CNTNAP4: variants seen among roughly 807,000 people sequenced by gnomAD.
CNTNAP4 encodes the protein contactin-associated protein-like 4.
CNTNAP4 carries 98 observed loss-of-function variants against 148.4 expected under a neutral mutation model. The ratio of observed to expected loss-of-function variants is 0.66; its 90% CI spans 0.56 to 0.78. The LOEUF is 0.78. CNTNAP4 is among the 30% of genes least tolerant of loss of function. CNTNAP4 has a pLI of 0.00. For synonymous variants in CNTNAP4, 730 were observed against 565.1 expected (o/e 1.29, Z -4.14); for missense variants, 1,935 against 1,565.6 (o/e 1.24, Z -3.98).
In CNTNAP4 at chr16:76,533,331, T is replaced by C. The variant is rs150313248; in HGVS notation, c.2756-2214T>C. The stretch of plus-strand genomic sequence containing the variant: ...AAGTAGAACAGAGGATACTAGAAGA[T>C]GGGGAGGGTACAGGGAAGGGGCACA... On this transcript the variant is annotated intron_variant, in intron 17 of 23. Transcript: ENST00000611870. Among the ~76,000 whole-genome samples the C allele has an allele frequency of 4.7e-3, 709 of 151,998 alleles. 3 individuals are homozygous for C. Among genetic ancestry groups the C allele is most frequent in the African/African-American group, 0.017 (689 of 41,472 alleles).
intron 3 of CNTNAP4, among the ~76,000 whole-genome samples, chr16:76,387,414 C>A (rs2016605192): frequency 6.6e-6 from 1 of 152,096 alleles, no homozygotes; most frequent in Non-Finnish European, 1.5e-5. Context: ...TTTTGTAAAT[C>A]TTTTGCAACC....
intron 3 of CNTNAP4, among the ~76,000 whole-genome samples, chr16:76,365,476 C>A (rs1015060264): frequency 6.6e-6 from 1 of 152,078 alleles, no homozygotes; most frequent in Non-Finnish European, 1.5e-5. Flanking sequence ...TCTGGCCAGG[C>A]GTTGTGGCTC....
At chr16:76,414,907 A>G (rs1452081408) in intron 3 of CNTNAP4, among the ~76,000 whole-genome samples, 5 of 151,232 alleles carry the variant, frequency 3.3e-5, no homozygotes, top group Non-Finnish European at 5.9e-5. Flanking sequence ...TCCCAGATCA[A>G]TCCTAACTAG....
intron 7 of CNTNAP4, among the ~76,000 whole-genome samples, 159 bp downstream of exon 7, chr16:76,450,017 T>C (rs544637400): frequency 2.6e-5 from 4 of 152,360 alleles, no homozygotes; most frequent in East Asian, 3.9e-4. Flanking sequence ...AGATTGGTTC[T>C]ATCTGAAGGA....
intron 4 of CNTNAP4, among the ~76,000 whole-genome samples, chr16:76,430,781 TAGA>T (rs1413590230): frequency 4.6e-5 from 7 of 152,166 alleles, no homozygotes; most frequent in Non-Finnish European, 1.0e-4. Context: ...TCTTCTGACA[TAGA>T]AGAAGGTGAA....
chr16:76,500,383 GAGAA>G (rs1263268020), intron 15 of CNTNAP4, among the ~76,000 whole-genome samples: 4 of 152,242 alleles, frequency 2.6e-5, no homozygotes, highest in Admixed American at 6.5e-5. Context: ...AAGGTTCTAA[GAGAA>G]AGAAACCACT....
At chr16:76,474,464 A>G (rs944692904) in intron 10 of CNTNAP4, among the ~76,000 whole-genome samples, 1 of 152,226 alleles carries the variant, frequency 6.6e-6, no homozygotes, top group Non-Finnish European at 1.5e-5. Flanking sequence ...TCCTTATAAT[A>G]AGGAAAAAAA....
At chr16:76,323,272 T>C (rs1433776799) in intron 2 of CNTNAP4, among the ~76,000 whole-genome samples, 4 of 142,688 alleles carry the variant, frequency 2.8e-5, no homozygotes, top group Non-Finnish European at 6.1e-5. Flanking sequence ...ATTAGGGTGA[T>C]AGGATGGTTT....
intron 2 of CNTNAP4, among the ~76,000 whole-genome samples, chr16:76,338,820 A>T (rs1964232831): frequency 1.3e-5 from 2 of 152,176 alleles, no homozygotes; most frequent in African/African-American, 2.4e-5. Context: ...AGGTGGGGAA[A>T]AAAAATTTCC....
chr16:76,383,395 G>GAAAAAA (rs34346486), intron 3 of CNTNAP4, among the ~76,000 whole-genome samples: 1 of 58,282 alleles, frequency 1.7e-5, no homozygotes, highest in African/African-American at 4.8e-5. Context: ...TACAGGAACA[G>GAAAAAA]AAAAAAAAAA....
intron 17 of CNTNAP4, among the ~76,000 whole-genome samples, 177 bp from the exon 18 acceptor site, chr16:76,535,368 T>C (rs1343607596): frequency 6.6e-6 from 1 of 152,204 alleles, no homozygotes; most frequent in African/African-American, 2.4e-5. Context: ...TTAAAAAAAT[T>C]GAATTAAAGT....
chr16:76,510,718 A>C (rs1208792698), intron 15 of CNTNAP4, among the ~76,000 whole-genome samples: 1 of 151,966 alleles, frequency 6.6e-6, no homozygotes, highest in East Asian at 1.9e-4. Flanking sequence ...GTTTTTGAAA[A>C]ATTTTCTCAA....
intron 1 of CNTNAP4, among the ~76,000 whole-genome samples, chr16:76,290,335 A>G (rs1404056113): frequency 6.6e-6 from 1 of 152,184 alleles, no homozygotes; most frequent in Non-Finnish European, 1.5e-5. Context: ...ACACATGCTC[A>G]TTCTCAAGGT....
chr16:76,535,265 T>C (rs1269403558), intron 17 of CNTNAP4, among the ~76,000 whole-genome samples: 3 of 152,202 alleles, frequency 2.0e-5, no homozygotes, highest in Non-Finnish European at 4.4e-5. Context: ...GTCACTGTTA[T>C]TTTCAATGAG....
At chr16:76,534,690 A>G (rs1205569337) in intron 17 of CNTNAP4, among the ~76,000 whole-genome samples, 3 of 152,130 alleles carry the variant, frequency 2.0e-5, no homozygotes, top group Non-Finnish European at 4.4e-5. Context: ...TCACAACCCT[A>G]TTTTTGGACC....
intron 8 of CNTNAP4, among the ~76,000 whole-genome samples, chr16:76,454,666 T>G (rs2080653523): frequency 6.6e-6 from 1 of 152,194 alleles, no homozygotes; most frequent in Non-Finnish European, 1.5e-5. Flanking sequence ...AATAGACTAT[T>G]TAAATGGTAG....
At chr16:76,347,135 G>GT (rs1159290523) in intron 2 of CNTNAP4, among the ~76,000 whole-genome samples, 1 of 112,386 alleles carries the variant, frequency 8.9e-6, no homozygotes, top group African/African-American at 3.2e-5. Context: ...TGAGGCAATT[G>GT]GTTGTGTGTG....
In CNTNAP4 at chr16:76,287,951, T is replaced by C. The variant is rs1237966516; in HGVS notation, c.85+10204T>C. On this transcript the variant is annotated intron_variant, in intron 1 of 23. Coordinates refer to ENST00000611870, the MANE Select transcript of CNTNAP4 (RefSeq NM_033401.5). ...CTTATGAACATGGCAAACAAATGTC[T>C]TCCTACTCAGTACTTGCTGATCTTT... Among the ~76,000 whole-genome samples, 3 of 152,146 alleles carry C rather than the reference T, an allele frequency of 2.0e-5. No homozygotes were observed. In the East Asian group the frequency reaches 5.8e-4, roughly 29 times the overall value.
chr16:76,480,167 GA>G (rs950851960), intron 12 of CNTNAP4, among the ~76,000 whole-genome samples: 9 of 151,186 alleles, frequency 6.0e-5, no homozygotes, highest in Admixed American at 4.6e-4. Flanking sequence ...AAATATTGGG[GA>G]AAAAAAAGAC....
Sources: gnomAD v4.1 joint callset for allele counts (sites outside exome capture counted in the v4.1 genomes callset) on GRCh38, gnomAD v4.1.1 for gene constraint, MANE v1.5 for transcripts, NCBI Gene and HGNC (gene_info 2026-07-23, HGNC 2026-07-21) for gene names.